TENT4B: variants seen among roughly 807,000 people sequenced by gnomAD.
TENT4B encodes PAP associated domain containing 5.
Under a neutral mutation model 75.0 loss-of-function variants are expected in TENT4B, and 10 were observed. The observed-to-expected ratio is 0.13, with a 90% CI of 0.08 to 0.23. TENT4B has a LOEUF of 0.23. TENT4B is among the 10% of genes least tolerant of loss of function. The probability of loss-of-function intolerance (pLI) is 1.00; values close to 1 mark genes in which losing one functional copy is unlikely to be tolerated. For synonymous variants in TENT4B, 350 were observed against 357.7 expected, an observed-to-expected ratio of 0.98 and a Z score of 0.24; for missense variants, 579 against 893.8, an observed-to-expected ratio of 0.65 and a Z score of 4.49.
At chr16:50,173,960 C>T (rs1160365386) in intron 1 of TENT4B, among the ~76,000 whole-genome samples, 1 of 151,988 alleles carries the variant, frequency 6.6e-6, no homozygotes, top group Non-Finnish European at 1.5e-5. Flanking sequence ...TCCCAAAGTG[C>T]TGGGATTACA....
At chr16:50,215,484 G>C (rs2031502488) in intron 3 of TENT4B, among the ~76,000 whole-genome samples, 1 of 152,116 alleles carries the variant, frequency 6.6e-6, no homozygotes, top group Non-Finnish European at 1.5e-5. Context: ...TTTATGAATA[G>C]GTAGTACATT....
chr16:50,220,148 T>C (rs2031760763), intron 5 of TENT4B, among the ~76,000 whole-genome samples: 1 of 151,736 alleles, frequency 6.6e-6, no homozygotes, highest in Non-Finnish European at 1.5e-5. Flanking sequence ...ACCACCACGC[T>C]CAGCTAATTT....
In TENT4B at chr16:50,213,953, C is replaced by A. The variant is rs186531701; in HGVS notation, c.763-268C>A. Reference sequence around the variant, plus strand: ...AGATTTTGGCATGGTGGGACTGGAACCAATCTCCTGCCGATACCAAGGGAC... The same window carrying A: ...AGATTTTGGCATGGTGGGACTGGAAACAATCTCCTGCCGATACCAAGGGAC... On this transcript the variant is annotated intron_variant, in intron 2 of 11. Coordinates refer to ENST00000561678, the MANE Select transcript of TENT4B (RefSeq NM_001365324.3). Among the ~76,000 whole-genome samples, 11 of 152,240 alleles carry A rather than the reference C, an allele frequency of 7.2e-5. No homozygotes were observed. The East Asian group carries it at 2.1e-3, about 29-fold the overall frequency.
At chr16:50,179,983 C>T (rs1449163880) in intron 1 of TENT4B, among the ~76,000 whole-genome samples, 2 of 151,984 alleles carry the variant, frequency 1.3e-5, no homozygotes, top group East Asian at 3.9e-4. Flanking sequence ...TAAAGCAGCT[C>T]CTTCTAAGTG....
rs1203009010 is a variant in TENT4B at position 50,216,198 on chromosome 16, A to G, written c.930+3A>G. ...TGAAAGTTTTAGACAAAGCAACTGT[A>G]AGTTCTGCAGCATTTCATATTAAAA... On this transcript the variant is annotated splice_donor_region_variant and intron_variant, in intron 4 of 11. Coordinates refer to ENST00000561678, the MANE Select transcript of TENT4B (RefSeq NM_001365324.3). The G allele has an allele frequency of 6.2e-7, 1 of 1,613,926 alleles. No homozygotes were observed. Among genetic ancestry groups the G allele is most frequent in the Non-Finnish European group, 8.5e-7 (1 of 1,179,832 alleles).
intron 3 of TENT4B, among the ~76,000 whole-genome samples, chr16:50,215,344 C>G (rs1044723763): frequency 1.3e-5 from 2 of 152,096 alleles, no homozygotes; most frequent in Admixed American, 6.6e-5. Context: ...TGGCAATTTC[C>G]GTTCTTCTCA....
intron 1 of TENT4B, among the ~76,000 whole-genome samples, chr16:50,160,922 G>T (rs1304738418): frequency 1.3e-5 from 2 of 152,146 alleles, no homozygotes; most frequent in Non-Finnish European, 2.9e-5. Flanking sequence ...ACACACATAG[G>T]TATAGAGTAA....
At chr16:50,183,468 A>G (rs1596682701) in intron 1 of TENT4B, among the ~76,000 whole-genome samples, 1 of 149,538 alleles carries the variant, frequency 6.7e-6, no homozygotes, top group Non-Finnish European at 1.5e-5. Flanking sequence ...TTGAAGGTTC[A>G]TTAATGTGCT....
At position 50,153,435 on chromosome 16, in the gene TENT4B, C is replaced by G. The variant is rs1237535558; in HGVS notation, c.-187C>G. ...GGAGCCCCCGAGGGCGGGAGCGACGCCGCCGGCGCCGGCCGGGCTCCCTGC... is the reference window on the plus strand; with the variant it reads ...GGAGCCCCCGAGGGCGGGAGCGACGGCGCCGGCGCCGGCCGGGCTCCCTGC... On this transcript the variant is annotated 5_prime_UTR_variant, in exon 1 of 12. Coordinates refer to ENST00000561678, the MANE Select transcript of TENT4B (RefSeq NM_001365324.3). Among the ~76,000 whole-genome samples the G allele has an allele frequency of 6.8e-6, 1 of 146,538 alleles. No homozygotes were observed. Among genetic ancestry groups the G allele is most frequent in the African/African-American group, 2.5e-5 (1 of 40,804 alleles).
chr16:50,169,555 G>A (rs2038167987), intron 1 of TENT4B, among the ~76,000 whole-genome samples: 1 of 152,010 alleles, frequency 6.6e-6, no homozygotes, highest in African/African-American at 2.4e-5. Flanking sequence ...ATAGTCTCTT[G>A]ATGCTTTTTC....
At chr16:50,180,822 AGTGGGGTCTAAGGGACCCCATTGCT>A (rs745878802) in intron 1 of TENT4B, among the ~76,000 whole-genome samples, 7 of 152,200 alleles carry the variant, frequency 4.6e-5, no homozygotes, top group Non-Finnish European at 1.0e-4. Context: ...AAGAAGGGGC[AGTGGGGTCTAAGGGACCCCATTGCT>A]GTAGAGGAGA....
intron 2 of TENT4B, among the ~76,000 whole-genome samples, chr16:50,212,945 C>A (rs981377865): frequency 1.3e-5 from 2 of 152,162 alleles, no homozygotes; most frequent in Admixed American, 1.3e-4. Flanking sequence ...CTATCTATCT[C>A]TTTCTCTCCA....
rs1047158307 is a variant in TENT4B at position 50,215,957 on chromosome 16, C to T, written c.810-118C>T. 10 of 1,242,870 alleles carry T rather than the reference C, an allele frequency of 8.0e-6. No individual in the cohort carries two copies. The East Asian group carries it at 9.5e-5, about 12-fold the overall frequency. 77.0% of individuals were successfully genotyped at this position (1,242,870 alleles called of 1,614,324 possible). On this transcript the variant is annotated intron_variant, in intron 3 of 11. Coordinates refer to ENST00000561678, the MANE Select transcript of TENT4B (RefSeq NM_001365324.3). Reference sequence around the variant, plus strand: ...CATTATCACCAACACATTTAGTCTTCGTTGGCCAGGGTGGGAAATAGGTTT... The same window carrying T: ...CATTATCACCAACACATTTAGTCTTTGTTGGCCAGGGTGGGAAATAGGTTT...
Position 50,231,233 on chromosome 16 carries a change from A to T in TENT4B, c.*1905A>T. On this transcript the variant is annotated 3_prime_UTR_variant, in exon 12 of 12. Transcript: ENST00000561678. ...TAGAGTCACATTTTATTCTGATCAG[A>T]ATTTTTATTGAGATGTTGAGCTTTT... 1.0e-6 allele frequency: 1 copy of T among 985,432 alleles called. No homozygotes were observed. The highest frequency in any genetic ancestry group is 5.2e-4 in the Middle Eastern group (1 of 1,914). 61.0% of individuals were successfully genotyped at this position (985,432 alleles called of 1,614,324 possible). A position where few individuals can be genotyped will look rare whatever the true frequency, so the allele number is the denominator to read the frequency against.
chr16:50,194,971 G>T (rs942828216), intron 1 of TENT4B, among the ~76,000 whole-genome samples: 3 of 151,644 alleles, frequency 2.0e-5, no homozygotes, highest in Admixed American at 6.6e-5. Context: ...GGATGGTCTC[G>T]ATCTCCTGAC....
chr16:50,164,199 G>A (rs544768062), intron 1 of TENT4B, among the ~76,000 whole-genome samples: 12 of 152,138 alleles, frequency 7.9e-5, no homozygotes, highest in African/African-American at 2.9e-4. Flanking sequence ...AAAGAAATGG[G>A]ATCTCACCAT....
At chr16:50,221,533 A>G (rs1305763107) in intron 5 of TENT4B, among the ~76,000 whole-genome samples, 1 of 151,884 alleles carries the variant, frequency 6.6e-6, no homozygotes, top group African/African-American at 2.4e-5. Flanking sequence ...AGCAGGCAGG[A>G]CTCTTGTTTG....
At chr16:50,168,604 G>A (rs1332581255) in intron 1 of TENT4B, among the ~76,000 whole-genome samples, 1 of 150,650 alleles carries the variant, frequency 6.6e-6, no homozygotes, top group African/African-American at 2.4e-5. Flanking sequence ...GTGAGCCACC[G>A]TGCCTGGACC....
chr16:50,167,181 TA>T (rs1287889450), intron 1 of TENT4B, among the ~76,000 whole-genome samples: 18 of 152,274 alleles, frequency 1.2e-4, no homozygotes, highest in East Asian at 3.9e-4. Context: ...GGGCCACACA[TA>T]AAATACACTA....
Sources: gnomAD v4.1 joint callset for allele counts (sites outside exome capture counted in the v4.1 genomes callset) on GRCh38, gnomAD v4.1.1 for gene constraint, MANE v1.5 for transcripts, NCBI Gene and HGNC (gene_info 2026-07-23, HGNC 2026-07-21) for gene names.